The following UBAC2 variants were observed in gnomAD, a reference collection of about 807,000 sequenced individuals.
UBAC2 encodes the protein UBA domain containing 2, also known as ubiquitin-associated domain-containing protein 2.
Under a neutral mutation model 44.0 loss-of-function variants are expected in UBAC2, and 26 were observed. That is an observed-to-expected ratio of 0.59 (90% CI 0.43 to 0.82). The LOEUF (loss-of-function observed/expected upper bound fraction) is 0.82. Among genes scored for constraint, UBAC2 ranks in the 40% least tolerant of loss-of-function variants. The pLI, the probability that UBAC2 is intolerant of heterozygous loss-of-function variation, is 0.00. For synonymous variants in UBAC2, 155 were observed against 154.3 expected, an observed-to-expected ratio of 1.00 and a Z score of -0.04; for missense variants, 329 against 419.4, an observed-to-expected ratio of 0.78 and a Z score of 1.88.
chr13:99,218,402 C>G (rs1230819322), intron 1 of UBAC2, among the ~76,000 whole-genome samples: 1 of 152,116 alleles, frequency 6.6e-6, no homozygotes, highest in Non-Finnish European at 1.5e-5. Flanking sequence ...TTACAGCTCA[C>G]TCTTTCCTCC....
At chr13:99,348,640 G>A (rs1160783745) in intron 7 of UBAC2, among the ~76,000 whole-genome samples, 1 of 152,236 alleles carries the variant, frequency 6.6e-6, no homozygotes, top group Non-Finnish European at 1.5e-5. Context: ...GGATCAGTGA[G>A]GCCTTTTAAA....
At chr13:99,318,381 G>A (rs1397791412) in intron 6 of UBAC2, among the ~76,000 whole-genome samples, 1 of 151,358 alleles carries the variant, frequency 6.6e-6, no homozygotes, top group Non-Finnish European at 1.5e-5. Flanking sequence ...TGGTCAGGCT[G>A]GTCTCAAACT....
chr13:99,371,075 T>G (rs779211779), intron 8 of UBAC2, among the ~76,000 whole-genome samples: 3 of 152,036 alleles, frequency 2.0e-5, no homozygotes, highest in Non-Finnish European at 2.9e-5. Flanking sequence ...GATATATTTC[T>G]CAGTTTGGGC....
rs766587215 is a variant in UBAC2, at chr13:99,295,023, A to G, written c.390-19074A>G. ...AGGGAAGTCCTGCAAAGTTTGTCAT[A>G]CAGTTTACGTCACTATAAACCAAAA... On this transcript the variant is annotated intron_variant, in intron 4 of 8. Coordinates refer to ENST00000403766, the MANE Select transcript of UBAC2 (RefSeq NM_001144072.2). The surrounding 1 kb of genome is among the most constrained non-coding windows in gnomAD (Gnocchi z 4.1). The G allele has an allele frequency of 1.3e-6, 2 of 1,564,832 alleles. No homozygotes were observed. The highest frequency in any genetic ancestry group is 1.7e-6 in the Non-Finnish European group (2 of 1,157,170).
At chr13:99,370,626 C>T (rs118167355) in intron 8 of UBAC2, among the ~76,000 whole-genome samples, 162 of 152,320 alleles carry the variant, frequency 1.1e-3, no homozygotes, top group Middle Eastern at 3.4e-3. Flanking sequence ...AAAACTTTGT[C>T]CTCATTTTTC....
In UBAC2 at chr13:99,295,627, C is replaced by T. The variant is rs1321669211; in HGVS notation, c.390-18470C>T. On this transcript the variant is annotated intron_variant, in intron 4 of 8. Coordinates refer to ENST00000403766, the MANE Select transcript of UBAC2 (RefSeq NM_001144072.2). This position sits in a 1 kb window ranked among gnomAD's most constrained non-coding sequence, Gnocchi z 4.1. ...TGCATGTAATCCTTTCAGCCTCCTG[C>T]TTTGACATAGGGTTGATGAGGAGTG... The T allele has an allele frequency of 6.2e-7, 1 of 1,614,122 alleles. No individual in the cohort carries two copies. Among genetic ancestry groups the T allele is most frequent in the South Asian group, 1.1e-5 (1 of 91,088 alleles).
At position 99,305,647 on chromosome 13, in the gene UBAC2, A is replaced by G. The variant is rs557825402; in HGVS notation, c.390-8450A>G. ...TATTTATTCCATTAACTGACTGGTC[A>G]TGGTACTAATTAGCTCTAGGAAGCC... On this transcript the variant is annotated intron_variant, in intron 4 of 8. Transcript: ENST00000403766. Among the ~76,000 whole-genome samples, 9 of 152,348 alleles carry G rather than the reference A, an allele frequency of 5.9e-5. No homozygotes were observed. The South Asian group carries it at 1.9e-3, about 32-fold the overall frequency.
chr13:99,248,229 A>C (rs2043413266), intron 4 of UBAC2, among the ~76,000 whole-genome samples: 2 of 151,174 alleles, frequency 1.3e-5, no homozygotes, highest in South Asian at 4.2e-4. Flanking sequence ...TCTTTCTTTT[A>C]TTTTATTTTT....
chr13:99,278,041 A>G (rs1049954921), intron 4 of UBAC2, among the ~76,000 whole-genome samples: 3 of 152,124 alleles, frequency 2.0e-5, no homozygotes, highest in Middle Eastern at 3.2e-3. Context: ...TACCTTCTCC[A>G]TGTTTTCCAG....
At chr13:99,224,905 T>C (rs761293256) in intron 1 of UBAC2, among the ~76,000 whole-genome samples, 3 of 152,236 alleles carry the variant, frequency 2.0e-5, no homozygotes, top group Non-Finnish European at 4.4e-5. Flanking sequence ...TTGTTGTCTA[T>C]AATGATACTA....
chr13:99,210,087 G>A lies in UBAC2; in HGVS notation c.31+9148G>A, dbSNP rs746402582. Among the ~76,000 whole-genome samples the A allele has an allele frequency of 2.9e-4, 44 of 152,256 alleles. 1 individual carries two copies. The highest frequency in any genetic ancestry group is 5.0e-4 in the Non-Finnish European group (34 of 68,010). On this transcript the variant is annotated intron_variant, in intron 1 of 8. Transcript: ENST00000403766. The stretch of plus-strand genomic sequence containing the variant: ...TGTTTCTTTTCATCGTAAAAGTAAC[G>A]TTAACCACACTATAGGAAGTTTGGA...
At chr13:99,252,362 A>G (rs2043469082) in intron 4 of UBAC2, among the ~76,000 whole-genome samples, 1 of 152,236 alleles carries the variant, frequency 6.6e-6, no homozygotes, top group African/African-American at 2.4e-5. Context: ...TCTTTGCCCT[A>G]CATTTAGTAA....
At chr13:99,210,478 CTTT>C (rs67744400) in intron 1 of UBAC2, among the ~76,000 whole-genome samples, 14 of 112,614 alleles carry the variant, frequency 1.2e-4, no homozygotes, top group Admixed American at 3.6e-4. Context: ...TTTTTCTTTT[CTTT>C]TTTTTTTTTT....
chr13:99,265,394 GA>G (rs2043729360), intron 4 of UBAC2, among the ~76,000 whole-genome samples: 4 of 152,158 alleles, frequency 2.6e-5, no homozygotes. Flanking sequence ...TGCTTCTTTG[GA>G]AAAAAGGTTC....
At chr13:99,289,946 C>T (rs1241906575) in intron 4 of UBAC2, among the ~76,000 whole-genome samples, 3 of 152,212 alleles carry the variant, frequency 2.0e-5, no homozygotes, top group Non-Finnish European at 4.4e-5. Context: ...TGCTCTTCCT[C>T]CCCACCCCCA....
intron 4 of UBAC2, among the ~76,000 whole-genome samples, chr13:99,306,054 C>T (rs2044329540): frequency 6.6e-6 from 1 of 152,048 alleles, no homozygotes; most frequent in Non-Finnish European, 1.5e-5. Context: ...TGCCACCGTG[C>T]CTGGCTAACT....
intron 2 of UBAC2, among the ~76,000 whole-genome samples, chr13:99,242,753 AC>A: frequency 7.2e-6 from 1 of 139,084 alleles, no homozygotes; most frequent in Middle Eastern, 3.7e-3. Flanking sequence ...TCTCTCCCGG[AC>A]GGGGTGGCTG....
chr13:99,289,086 G>A (rs2044057489), intron 4 of UBAC2, among the ~76,000 whole-genome samples: 2 of 152,214 alleles, frequency 1.3e-5, no homozygotes, highest in African/African-American at 4.8e-5. Context: ...GACAATTGAA[G>A]TCTAGAAAGG....
chr13:99,306,797 A>G (rs2138747500), intron 4 of UBAC2, among the ~76,000 whole-genome samples: 1 of 152,222 alleles, frequency 6.6e-6, no homozygotes, highest in South Asian at 2.1e-4. Context: ...AAAGATTGGT[A>G]CTCTTTGCTG....
Sources: gnomAD v4.1 joint callset for allele counts (sites outside exome capture counted in the v4.1 genomes callset) on GRCh38, gnomAD v4.1.1 for gene constraint, Gnocchi (gnomAD v3.1) non-coding constraint, MANE v1.5 for transcripts, NCBI Gene and HGNC (gene_info 2026-07-23, HGNC 2026-07-21) for gene names.